Variants in TGFBI observed in about 807,000 individuals in gnomAD.
TGFBI encodes transforming growth factor beta induced, also known as transforming growth factor-beta-induced protein ig-h3.
In TGFBI, 50 loss-of-function variants were observed where a neutral mutation model predicts 73.7. The ratio of observed to expected loss-of-function variants is 0.68; its 90% CI spans 0.54 to 0.86. TGFBI has a LOEUF of 0.86. Ranked by LOEUF, TGFBI falls within the 40% of genes least tolerant of loss-of-function variation. The pLI is 0.00. For missense variants in TGFBI, 839 were observed against 877.0 expected (o/e 0.96, Z 0.55); for synonymous variants, 362 against 360.5 (o/e 1.00, Z -0.05).
intron 2 of TGFBI, among the ~76,000 whole-genome samples, chr5:136,037,630 C>A (rs1287921121): frequency 1.3e-5 from 2 of 152,182 alleles, no homozygotes; most frequent in Non-Finnish European, 2.9e-5. Flanking sequence ...TTCCAAAAGT[C>A]TTGAAATTGT....
chr5:136,031,540 A>T (rs1194344338), intron 1 of TGFBI, among the ~76,000 whole-genome samples: 1 of 152,246 alleles, frequency 6.6e-6, no homozygotes, highest in Non-Finnish European at 1.5e-5. Context: ...AGTGAGGTAG[A>T]GAGTGACTTA....
intron 15 of TGFBI, among the ~76,000 whole-genome samples, chr5:136,062,030 G>GATACT (rs1751757734): frequency 6.6e-6 from 1 of 152,154 alleles, no homozygotes; most frequent in African/African-American, 2.4e-5. Context: ...TGGATACAGG[G>GATACT]ATACTGGGCT....
At chr5:136,062,730 G>A (rs1168002519) in intron 16 of TGFBI, 43 bp downstream of exon 16, 3 of 1,555,548 alleles carry the variant, frequency 1.9e-6, no homozygotes, top group African/African-American at 2.7e-5. Context: ...ACCTGTTTAG[G>A]CCTTACCCCC....
At chr5:136,050,203 G>T (rs753754210) in intron 7 of TGFBI, among the ~76,000 whole-genome samples, 1 of 151,980 alleles carries the variant, frequency 6.6e-6, no homozygotes, top group African/African-American at 2.4e-5. Context: ...CATGGTGGTG[G>T]GCACCTGTAA....
intron 9 of TGFBI, 44 bp from the exon 10 acceptor site, chr5:136,054,672 C>T (rs765406263): frequency 6.2e-7 from 1 of 1,612,784 alleles, no homozygotes; most frequent in Non-Finnish European, 8.5e-7. Context: ...CTCTTCATTG[C>T]AGGAGCACAT....
intron 7 of TGFBI, among the ~76,000 whole-genome samples, chr5:136,050,187 G>A (rs994055290): frequency 5.9e-5 from 9 of 152,086 alleles, no homozygotes; most frequent in Admixed American, 1.3e-4. Flanking sequence ...ACAAAAATTA[G>A]CTGGGCATGG....
intron 2 of TGFBI, among the ~76,000 whole-genome samples, chr5:136,036,696 A>G (rs548897413): frequency 2.6e-5 from 4 of 152,238 alleles, no homozygotes; most frequent in African/African-American, 7.2e-5. Context: ...TGGGGAAAGT[A>G]GGTCCCTAGA....
At position 136,059,070 on chromosome 5, in the gene TGFBI, C is replaced by T; in HGVS notation, c.1679-20C>T. On this transcript the variant is annotated intron_variant, in intron 12 of 16. Coordinates refer to ENST00000442011, the MANE Select transcript of TGFBI (RefSeq NM_000358.3). ...ACCATTCTTGGGATTAACTCTATCT[C>T]CTTTTCCCGCAACCTGCAGGAGATG... 1.9e-6 allele frequency: 3 copies of T among 1,607,224 alleles called. No individual in the cohort carries two copies. The highest frequency in any genetic ancestry group is 2.5e-6 in the Non-Finnish European group (3 of 1,176,862).
intron 2 of TGFBI, among the ~76,000 whole-genome samples, chr5:136,038,792 G>C (rs1751276971): frequency 6.6e-6 from 1 of 151,980 alleles, no homozygotes. Flanking sequence ...GCTGACATTT[G>C]AGTGATGCAA....
At chr5:136,059,913 T>TA (rs33979088) in intron 13 of TGFBI, among the ~76,000 whole-genome samples, 3,826 of 152,296 alleles carry the variant, frequency 0.025, 149 homozygotes, top group African/African-American at 0.087. Context: ...TGTTTGACTT[T>TA]AGCAGGTCAT....
intron 6 of TGFBI, 76 bp downstream of exon 6, chr5:136,047,496 T>C (rs1751453255): frequency 2.5e-6 from 4 of 1,573,090 alleles, no homozygotes; most frequent in Non-Finnish European, 3.5e-6. Context: ...GGAACTCTTC[T>C]GCAGGAGAGG....
intron 7 of TGFBI, among the ~76,000 whole-genome samples, chr5:136,051,007 TACTC>T (rs1396580856): frequency 6.6e-6 from 1 of 152,152 alleles, no homozygotes; most frequent in Admixed American, 6.5e-5. Context: ...ATGACAGAGA[TACTC>T]ACAGCACAAA....
intron 6 of TGFBI, chr5:136,049,229 T>C (rs1325875879): frequency 3.6e-6 from 2 of 553,686 alleles, no homozygotes; most frequent in Admixed American, 6.2e-5. Flanking sequence ...GTTAAGGACA[T>C]GAAAGATGGC....
chr5:136,042,129 A>G (rs1489496107), intron 2 of TGFBI, among the ~76,000 whole-genome samples: 2 of 152,232 alleles, frequency 1.3e-5, no homozygotes, highest in African/African-American at 2.4e-5. Context: ...CCAGTAATAC[A>G]GCCCTGGAAT....
Position 136,056,796 on chromosome 5 carries a change from G to A in TGFBI, c.1678+1G>A. ...CCAAGAGAACGGAGCAGACTCTTGGGTAAAGACCAACTTAAGTACACGTCT... is the reference window on the plus strand; with the variant it reads ...CCAAGAGAACGGAGCAGACTCTTGGATAAAGACCAACTTAAGTACACGTCT... On this transcript the variant is annotated splice_donor_variant, in intron 12 of 16. Coordinates refer to ENST00000442011, the MANE Select transcript of TGFBI (RefSeq NM_000358.3). LOFTEE classifies it high-confidence loss of function. 1 of 1,612,140 alleles carries A rather than the reference G, an allele frequency of 6.2e-7. No homozygotes were observed. The highest frequency in any genetic ancestry group is 8.5e-7 in the Non-Finnish European group (1 of 1,179,006).
intron 15 of TGFBI, among the ~76,000 whole-genome samples, chr5:136,062,415 G>A (rs1189008993): frequency 6.6e-6 from 1 of 152,056 alleles, no homozygotes; most frequent in African/African-American, 2.4e-5. Context: ...TAGTCTCAGT[G>A]GGAAAGCCTG....
chr5:136,055,850 C>T, intron 11 of TGFBI, 34 bp downstream of exon 11: 1 of 1,570,334 alleles, frequency 6.4e-7, no homozygotes, highest in Non-Finnish European at 8.7e-7. Context: ...GAGCTTCTGC[C>T]CAGTGGTCAT....
Position 136,047,404 on chromosome 5 carries a change from C to A in TGFBI, c.755C>A (p.Thr252Asn). The A allele has an allele frequency of 6.2e-7, 1 of 1,613,874 alleles. No homozygotes were observed. The highest frequency in any genetic ancestry group is 1.1e-5 in the South Asian group (1 of 91,072). ...CAGCAGATCATTGAGATCGAGGACACCTTTGAGACCCTTCGGGTAAGGGAC... is the reference window on the plus strand; with the variant it reads ...CAGCAGATCATTGAGATCGAGGACAACTTTGAGACCCTTCGGGTAAGGGAC... ...NIQQIIEIEDTFETLRAAVAA... is the reference protein window; with the variant it reads ...NIQQIIEIEDNFETLRAAVAA... Residue 252 changes from threonine (T) to asparagine (N), a missense_variant, in exon 6 of 17, where the codon ACC becomes AAC. By Grantham distance (65) the Thr-to-Asn change is moderately conservative. Coordinates refer to ENST00000442011, the MANE Select transcript of TGFBI (RefSeq NM_000358.3).
intron 13 of TGFBI, 87 bp from the exon 14 acceptor site, chr5:136,060,747 A>G (rs1751733127): frequency 1.9e-6 from 2 of 1,066,242 alleles, no homozygotes; most frequent in Admixed American, 2.7e-5. Flanking sequence ...AAAACTGTTC[A>G]GTAAACACTT....
Sources: allele counts gnomAD v4.1 joint callset (sites outside exome capture counted in the v4.1 genomes callset), GRCh38; gene constraint gnomAD v4.1.1; transcripts MANE v1.5; gene names NCBI Gene and HGNC (gene_info 2026-07-23, HGNC 2026-07-21).